LRP2: variants seen among roughly 807,000 people sequenced by gnomAD.
LRP2 encodes the protein LDL receptor related protein 2.
A neutral mutation model predicts 531.0 loss-of-function variants in LRP2; 172 were observed. The observed-to-expected ratio is 0.32, with a 90% CI of 0.29 to 0.37. The LOEUF (loss-of-function observed/expected upper bound fraction) is 0.37. Among genes scored for constraint, LRP2 ranks in the 10% least tolerant of loss-of-function variants. LRP2 has a pLI of 1.00. For missense variants in LRP2, 5,167 were observed against 5,868.3 expected (o/e 0.88, Z 3.90); for synonymous variants, 1,992 against 2,027.6 (o/e 0.98, Z 0.47).
At chr2:169,220,898 A>T (rs1289607732) in intron 33 of LRP2, among the ~76,000 whole-genome samples, 1 of 152,290 alleles carries the variant, frequency 6.6e-6, no homozygotes, top group Non-Finnish European at 1.5e-5. Flanking sequence ...AAAATCCTTC[A>T]GGAGAGCTAA....
intron 34 of LRP2, among the ~76,000 whole-genome samples, chr2:169,217,738 T>C (rs2105349406): frequency 6.6e-6 from 1 of 152,332 alleles, no homozygotes; most frequent in Non-Finnish European, 1.5e-5. Context: ...GTTCCGCATA[T>C]TGACTATTTC....
At chr2:169,156,598 G>A (rs894307162) in intron 64 of LRP2, among the ~76,000 whole-genome samples, 193 bp from the exon 65 acceptor site, 1 of 152,110 alleles carries the variant, frequency 6.6e-6, no homozygotes, top group African/African-American at 2.4e-5. Context: ...TATTTTCCTC[G>A]TTTAGTCTTG....
chr2:169,137,549 T>A, intron 75 of LRP2, 56 bp from the exon 76 acceptor site: 1 of 1,108,060 alleles, frequency 9.0e-7, no homozygotes, highest in Non-Finnish European at 1.4e-6. Context: ...GAGAGAGAGA[T>A]TACACCATAC....
intron 4 of LRP2, among the ~76,000 whole-genome samples, chr2:169,306,226 T>G (rs1029998293): frequency 6.6e-6 from 1 of 151,982 alleles, no homozygotes; most frequent in Non-Finnish European, 1.5e-5. Flanking sequence ...ACGCTAGACT[T>G]GTAAGAACTT....
chr2:169,132,822 G>A, intron 76 of LRP2, 141 bp from the exon 77 acceptor site: 4 of 679,724 alleles, frequency 5.9e-6, no homozygotes, highest in South Asian at 3.0e-5. Flanking sequence ...TTTATTGCAT[G>A]ACCCAGTAGG....
chr2:169,271,293 T>G (rs1416740297), intron 15 of LRP2, among the ~76,000 whole-genome samples, 186 bp from the exon 16 acceptor site: 1 of 152,026 alleles, frequency 6.6e-6, no homozygotes, highest in Non-Finnish European at 1.5e-5. Flanking sequence ...GATAAGCAAC[T>G]ATGAGGGAGA....
chr2:169,197,517 C>A (rs1364272781), intron 45 of LRP2, among the ~76,000 whole-genome samples: 2 of 152,196 alleles, frequency 1.3e-5, no homozygotes, highest in Non-Finnish European at 2.9e-5. Context: ...GAATACCAGA[C>A]TTTTAGTTGA....
rs1401520582 is a variant in LRP2 at position 169,185,561 on chromosome 2, T to C, written c.9787A>G (p.Thr3263Ala). The change falls in exon 50 of 79, where the codon ACA becomes GCA. Residue 3263 changes from threonine (T) to alanine (A), a missense_variant. Around this residue, in one of 6 missense-constraint regions of LRP2, gnomAD observed 1,129 missense variants for 1,362.7 expected, o/e 0.83. Coordinates refer to ENST00000649046, the MANE Select transcript of LRP2 (RefSeq NM_004525.3). ...RMFLNKTNKE[T>A]IINHRLPAAE... is the part of the protein sequence containing the mutation. ...GCTGGTAGTCTGTGGTTTATGATTG[T>C]CTCCTTGTTTGTCTTATTCAGAAAC... 1 of 1,614,002 alleles carries C rather than the reference T, an allele frequency of 6.2e-7. No individual in the cohort carries two copies. Among genetic ancestry groups the C allele is most frequent in the Non-Finnish European group, 8.5e-7 (1 of 1,180,000 alleles).
At chr2:169,214,231 G>A (rs1212501244) in intron 35 of LRP2, among the ~76,000 whole-genome samples, 1 of 152,156 alleles carries the variant, frequency 6.6e-6, no homozygotes, top group African/African-American at 2.4e-5. Flanking sequence ...GACTCACCCT[G>A]AGTTTAACAC....
intron 17 of LRP2, 116 bp from the exon 18 acceptor site, chr2:169,257,365 T>C: frequency 9.2e-7 from 1 of 1,086,440 alleles, no homozygotes; most frequent in South Asian, 1.3e-5. Flanking sequence ...GTTTTCTTTA[T>C]ATGCTATTGA....
At chr2:169,220,606 G>GA in intron 33 of LRP2, 43 bp from the exon 34 acceptor site, 1 of 1,318,956 alleles carries the variant, frequency 7.6e-7, no homozygotes, top group Non-Finnish European at 1.1e-6. Flanking sequence ...TTCATAAGGG[G>GA]AACCAAAGGA....
At chr2:169,326,418 G>A (rs1363798478) in intron 1 of LRP2, among the ~76,000 whole-genome samples, 2 of 151,730 alleles carry the variant, frequency 1.3e-5, no homozygotes, top group South Asian at 2.1e-4. Flanking sequence ...GGGTTTCACT[G>A]TGTTGGCCGG....
chr2:169,259,333 T>G, intron 16 of LRP2, 116 bp from the exon 17 acceptor site: 1 of 534,620 alleles, frequency 1.9e-6, no homozygotes, highest in Non-Finnish European at 3.2e-6. Flanking sequence ...CAGGAACACA[T>G]GTGGAATTCT....
chr2:169,240,336 C>G (rs548478278), intron 25 of LRP2, among the ~76,000 whole-genome samples: 1 of 152,156 alleles, frequency 6.6e-6, no homozygotes, highest in Admixed American at 6.5e-5. Flanking sequence ...AGTTCACATG[C>G]CTGGGGATGC....
At chr2:169,307,249 C>G (rs1400299078) in intron 4 of LRP2, 32 bp downstream of exon 4, 1 of 1,447,670 alleles carries the variant, frequency 6.9e-7, no homozygotes, top group Admixed American at 1.7e-5. Flanking sequence ...AGGGTGAAAC[C>G]AAATACAGTG....
intron 1 of LRP2, among the ~76,000 whole-genome samples, chr2:169,360,466 G>A (rs369455528): frequency 1.3e-5 from 2 of 152,164 alleles, no homozygotes; most frequent in African/African-American, 4.8e-5. Context: ...ATGGATGGGT[G>A]CAAAAAACTA....
In LRP2 at chr2:169,193,821, TC is replaced by T; in HGVS notation, c.8769del (p.Trp2923Ter). 6.2e-7 allele frequency: 1 copy of T among 1,614,130 alleles called. No homozygotes were observed. The highest frequency in any genetic ancestry group is 8.5e-7 in the Non-Finnish European group (1 of 1,180,012). ...CDGGRCIPSE[W>X]ICDGDNDCGD... Reference sequence around the variant, plus strand: ...CCACAGTCATTATCACCGTCACAGATCCATTCGCTTGGGATGCACCTCCCAC... The same window carrying T: ...CCACAGTCATTATCACCGTCACAGATCATTCGCTTGGGATGCACCTCCCAC... On this transcript the variant is annotated frameshift_variant, in exon 47 of 79. Coordinates refer to ENST00000649046, the MANE Select transcript of LRP2 (RefSeq NM_004525.3). LOFTEE classifies it high-confidence loss of function.
At chr2:169,211,759 G>A (rs1574138246) in intron 37 of LRP2, among the ~76,000 whole-genome samples, 1 of 152,314 alleles carries the variant, frequency 6.6e-6, no homozygotes, top group East Asian at 1.9e-4. Flanking sequence ...TGGGGACGAG[G>A]TCTGGAGCTG....
chr2:169,142,246 T>C (rs560805522), intron 71 of LRP2, among the ~76,000 whole-genome samples: 26 of 152,326 alleles, frequency 1.7e-4, no homozygotes, highest in African/African-American at 5.8e-4. Flanking sequence ...CGTCTCCTGA[T>C]AATATAAAGC....
Sources: allele counts gnomAD v4.1 joint callset (sites outside exome capture counted in the v4.1 genomes callset), GRCh38; gene constraint gnomAD v4.1.1; regional missense constraint gnomAD v4.1.1; transcripts MANE v1.5; gene names NCBI Gene and HGNC (gene_info 2026-07-23, HGNC 2026-07-21).